The following PDZD7 variants were observed in gnomAD, a reference collection of about 807,000 sequenced individuals.
PDZD7 encodes PDZ domain-containing protein 7.
Under a neutral mutation model 84.7 loss-of-function variants are expected in PDZD7, and 72 were observed. The ratio of observed to expected loss-of-function variants is 0.85; its 90% CI spans 0.70 to 1.03. The LOEUF is 1.03. Ranked by LOEUF, PDZD7 falls within the 50% of genes least tolerant of loss-of-function variation. The pLI is 0.00. For synonymous variants in PDZD7, 594 were observed against 580.7 expected, an observed-to-expected ratio of 1.02 and a Z score of -0.33; for missense variants, 1,490 against 1,412.9, an observed-to-expected ratio of 1.05 and a Z score of -0.87.
intron 8 of PDZD7, 122 bp from the exon 9 acceptor site, chr10:101,018,418 C>A: frequency 2.8e-6 from 3 of 1,064,990 alleles, no homozygotes; most frequent in Non-Finnish European, 4.1e-6. Flanking sequence ...TCTGCAGCTA[C>A]GCCGGGGTGA....
At chr10:101,021,667 G>A (rs1590065290) in intron 6 of PDZD7, 131 bp downstream of exon 6, 1 of 1,387,810 alleles carries the variant, frequency 7.2e-7, no homozygotes, top group East Asian at 2.3e-5. Context: ...AAACAGGGAT[G>A]AGAACAATGC....
At chr10:101,017,579 T>A in intron 9 of PDZD7, 1 of 701,316 alleles carries the variant, frequency 1.4e-6, no homozygotes, top group Non-Finnish European at 2.6e-6. Context: ...TCCAGGAATT[T>A]GAGACTAGCC....
chr10:101,022,475 G>A, intron 4 of PDZD7, 90 bp from the exon 5 acceptor site: 1 of 1,535,822 alleles, frequency 6.5e-7, no homozygotes, highest in Non-Finnish European at 8.9e-7. Context: ...CAGGGAAAGT[G>A]GGGGTTGCCT....
chr10:101,025,226 C>T (rs910428628), intron 2 of PDZD7, among the ~76,000 whole-genome samples: 1 of 151,958 alleles, frequency 6.6e-6, no homozygotes, highest in Non-Finnish European at 1.5e-5. Flanking sequence ...TTTTTTTCCC[C>T]CGAGACAAAG....
At position 101,010,528 on chromosome 10, in the gene PDZD7, A is replaced by G; in HGVS notation, c.2361T>C (p.Gly787=). 2.0e-6 allele frequency: 3 copies of G among 1,510,516 alleles called. No homozygotes were observed. The highest frequency in any genetic ancestry group is 2.7e-6 in the Non-Finnish European group (3 of 1,130,608). 93.6% of individuals were successfully genotyped at this position (1,510,516 alleles called of 1,614,324 possible). A position where few individuals can be genotyped will look rare whatever the true frequency, so the allele number is the denominator to read the frequency against. Residue 787 remains glycine (G), a synonymous_variant, in exon 15 of 17, where the codon GGT becomes GGC. Transcript: ENST00000619208. ...RSRSRSRSSR[G]QGKSPGRRSP... ...AGCGTCTACCTGGAGACTTGCCTTG[A>G]CCCCGGCTGCTGCGGCTGCGGCTGC...
chr10:101,008,481 G>A lies in PDZD7; in HGVS notation c.3088C>T (p.Pro1030Ser). 6.6e-7 allele frequency: 1 copy of A among 1,520,002 alleles called. No homozygotes were observed. The highest frequency in any genetic ancestry group is 1.2e-5 in the South Asian group (1 of 81,580). 94.2% of individuals were successfully genotyped at this position (1,520,002 alleles called of 1,614,324 possible). A position where few individuals can be genotyped will look rare whatever the true frequency, so the allele number is the denominator to read the frequency against. The change falls in exon 17 of 17, where the codon CCA becomes TCA. Residue 1030 changes from proline to serine, a missense_variant. Transcript: ENST00000619208. The stretch of plus-strand genomic sequence containing the variant: ...TAGGGGGAGGGTCATGGGATGCGTG[G>A]GGAGGGTGCGGGCTTAGAATCAGGA... Reference protein sequence around the residue: ...QTPDSKPAPSPRIP With the variant: ...QTPDSKPAPSSRIP
Position 101,011,745 on chromosome 10 carries a change from C to A in PDZD7, c.1950G>T (p.Leu650Phe). The change falls in exon 14 of 17, where the codon TTG (leucine) becomes TTT (phenylalanine). Residue 650 changes from leucine to phenylalanine, a missense_variant. Coordinates refer to ENST00000619208, the MANE Select transcript of PDZD7 (RefSeq NM_001195263.2). ...LKSRAVRPPALRPARQDTPPK... is the reference protein window; with the variant it reads ...LKSRAVRPPAFRPARQDTPPK... Reference sequence around the variant, plus strand: ...GTGGCGTGTCCTGCCGGGCTGGTCTCAAAGCAGGAGGCCGGACTGGTTGGA... The same window carrying A: ...GTGGCGTGTCCTGCCGGGCTGGTCTAAAAGCAGGAGGCCGGACTGGTTGGA... 6.5e-7 allele frequency: 1 copy of A among 1,548,350 alleles called. No homozygotes were observed.
chr10:101,029,966 CAG>C, intron 2 of PDZD7, 26 bp downstream of exon 2: 12 of 1,576,466 alleles, frequency 7.6e-6, no homozygotes, highest in Non-Finnish European at 1.0e-5. Flanking sequence ...CTCCCCAACC[CAG>C]GCCAGTGGCT....
intron 9 of PDZD7, among the ~76,000 whole-genome samples, chr10:101,016,754 A>G (rs1387017793): frequency 6.6e-6 from 1 of 152,180 alleles, no homozygotes; most frequent in Non-Finnish European, 1.5e-5. Context: ...ACAGAGGGAA[A>G]AAGAGGAGCC....
At position 101,010,505 on chromosome 10, in the gene PDZD7, C is replaced by A; in HGVS notation, c.2384G>T (p.Arg795Leu). The A allele has an allele frequency of 6.5e-7, 1 of 1,533,888 alleles. No homozygotes were observed. The highest frequency in any genetic ancestry group is 8.7e-7 in the Non-Finnish European group (1 of 1,145,230). The change falls in exon 15 of 17, where the codon CGC becomes CTC. Residue 795 changes from arginine to leucine, a missense_variant. By Grantham distance (102) the Arg-to-Leu change is moderately radical (BLOSUM62 -2). Transcript: ENST00000619208. ...SRGQGKSPGR[R>L]SPSPVPTPAP... ...AGGGGTAGGCACCGGGGATGGGGAG[C>A]GTCTACCTGGAGACTTGCCTTGACC...
At position 101,010,288 on chromosome 10, in the gene PDZD7, C is replaced by G; in HGVS notation, c.2601G>C (p.Lys867Asn). 1 of 1,531,708 alleles carries G rather than the reference C, an allele frequency of 6.5e-7. No individual in the cohort carries two copies. The highest frequency in any genetic ancestry group is 1.2e-5 in the South Asian group (1 of 83,982). 94.9% of individuals were successfully genotyped at this position (1,531,708 alleles called of 1,614,324 possible). A position where few individuals can be genotyped will look rare whatever the true frequency, so the allele number is the denominator to read the frequency against. ...SGELKTVTLS[K>N]MKQSLGISIS... The stretch of plus-strand genomic sequence containing the variant: ...TGGACTCACCTAAGGACTGCTTCAT[C>G]TTGGACAGTGTCACTGTCTTCAGCT... The change falls in exon 15 of 17, where the codon AAG (lysine) becomes AAC (asparagine). Residue 867 changes from lysine (K) to asparagine (N), a missense_variant. Physicochemically the swap from Lys to Asn is moderately conservative, Grantham distance 94. Coordinates refer to ENST00000619208, the MANE Select transcript of PDZD7 (RefSeq NM_001195263.2).
At chr10:101,016,125 C>T (rs145844986) in intron 10 of PDZD7, among the ~76,000 whole-genome samples, 1 of 152,188 alleles carries the variant, frequency 6.6e-6, no homozygotes, top group South Asian at 2.1e-4. Context: ...CTCATCACCC[C>T]CAAATATATC....
intron 9 of PDZD7, 95 bp from the exon 10 acceptor site, chr10:101,016,522 G>A: frequency 1.5e-6 from 2 of 1,344,476 alleles, no homozygotes; most frequent in Non-Finnish European, 2.1e-6. Flanking sequence ...GGAGAATTCA[G>A]ACTGGAAGTA....
At chr10:101,020,321 G>A (rs1280680472) in intron 7 of PDZD7, among the ~76,000 whole-genome samples, 1 of 151,992 alleles carries the variant, frequency 6.6e-6, no homozygotes, top group East Asian at 1.9e-4. Flanking sequence ...GGTCAGGCTG[G>A]TCTCGAACTC....
Position 101,019,278 on chromosome 10 carries a change from A to C in PDZD7, c.929-61T>G, listed in dbSNP as rs1852916305. ...TGCTTCAGAGCCCTGCCCGGCTTGC[A>C]GACCACCCTTGGGCTTAGGGGTGGA... On this transcript the variant is annotated intron_variant, in intron 7 of 16. Transcript: ENST00000619208. The C allele has an allele frequency of 3.9e-6, 6 of 1,531,584 alleles. No individual in the cohort carries two copies. In the South Asian group the frequency reaches 6.0e-5, roughly 15 times the overall value. The allele number at this position is 1,531,584 out of a possible 1,614,324, so 94.9% of individuals were successfully genotyped here.
chr10:101,016,095 G>A (rs1018084105), intron 10 of PDZD7, among the ~76,000 whole-genome samples: 1 of 152,150 alleles, frequency 6.6e-6, no homozygotes, highest in Non-Finnish European at 1.5e-5. Flanking sequence ...GTTGCCCAGT[G>A]GAGGCCCAGC....
At chr10:101,025,256 C>T (rs1043072851) in intron 2 of PDZD7, among the ~76,000 whole-genome samples, 1 of 151,990 alleles carries the variant, frequency 6.6e-6, no homozygotes, top group Non-Finnish European at 1.5e-5. Flanking sequence ...GTCGCTGAGG[C>T]TAGAGTGCAG....
chr10:101,015,797 G>A lies in PDZD7; in HGVS notation c.1588C>T (p.Arg530Trp), dbSNP rs961077588. 5.6e-5 allele frequency: 87 copies of A among 1,548,714 alleles called. No individual in the cohort carries two copies. Among genetic ancestry groups the A allele is most frequent in the East Asian group, 2.0e-4 (8 of 40,904 alleles). ...CCAGACCTGGCAGACAGCAGGGCCC[G>A]GCCCCTCTCCTGGTCTGCAGGGCAG... Reference protein sequence around the residue: ...WRLRRDQERGRALLSARSGSP... With the variant: ...WRLRRDQERGWALLSARSGSP... Residue 530 changes from arginine to tryptophan, a missense_variant, in exon 11 of 17, where the codon CGG becomes TGG. Arg to Trp is a moderately radical substitution (Grantham distance 101). Transcript: ENST00000619208.
intron 2 of PDZD7, among the ~76,000 whole-genome samples, chr10:101,029,749 G>C (rs1937960193): frequency 6.6e-6 from 1 of 152,206 alleles, no homozygotes; most frequent in Non-Finnish European, 1.5e-5. Context: ...TGTCCCTGCT[G>C]CCATGGCCTT....
Sources: gnomAD v4.1 joint callset for allele counts (sites outside exome capture counted in the v4.1 genomes callset) on GRCh38, gnomAD v4.1.1 for gene constraint, MANE v1.5 for transcripts, NCBI Gene and HGNC (gene_info 2026-07-23, HGNC 2026-07-21) for gene names.